ANKRD55: variants seen among roughly 807,000 people sequenced by gnomAD.
ANKRD55 encodes ankyrin repeat domain 55.
ANKRD55 carries 41 observed loss-of-function variants against 60.6 expected under a neutral mutation model. The ratio of observed to expected loss-of-function variants is 0.68; its 90% confidence interval spans 0.53 to 0.88. The LOEUF is 0.88. ANKRD55 is among the 40% of genes least tolerant of loss of function. The pLI, the probability that ANKRD55 is intolerant of heterozygous loss-of-function variation, is 0.00. For synonymous variants in ANKRD55, 264 were observed against 290.3 expected, an observed-to-expected ratio of 0.91 and a Z score of 0.92; for missense variants, 732 against 767.6, an observed-to-expected ratio of 0.95 and a Z score of 0.55.
chr5:56,109,218 C>G (rs997601239), intron 10 of ANKRD55, among the ~76,000 whole-genome samples: 1 of 152,054 alleles, frequency 6.6e-6, no homozygotes, highest in African/African-American at 2.4e-5. Flanking sequence ...GTTTATAAAG[C>G]CTGTCTGACA....
At chr5:56,144,822 A>G (rs1017548989) in intron 6 of ANKRD55, among the ~76,000 whole-genome samples, 11 of 152,306 alleles carry the variant, frequency 7.2e-5, no homozygotes, top group African/African-American at 2.6e-4. Flanking sequence ...TGGTGGCCAA[A>G]AAGAGCCAGC....
At chr5:56,194,717 T>C (rs185594668) in intron 2 of ANKRD55, among the ~76,000 whole-genome samples, 84 of 152,326 alleles carry the variant, frequency 5.5e-4, no homozygotes, top group Non-Finnish European at 7.6e-4. Context: ...TCTGTAAACA[T>C]GTATTTGATA....
At chr5:56,144,059 T>A in intron 6 of ANKRD55, 130 bp from the exon 7 acceptor site, 1 of 1,182,672 alleles carries the variant, frequency 8.5e-7, no homozygotes, top group Admixed American at 2.0e-5. Context: ...GGTTCATTCA[T>A]TCATTCATTA....
intron 10 of ANKRD55, among the ~76,000 whole-genome samples, chr5:56,104,886 G>A (rs1046555309): frequency 6.6e-6 from 1 of 152,096 alleles, no homozygotes; most frequent in Non-Finnish European, 1.5e-5. Flanking sequence ...GAATGGTCCA[G>A]AGAAGTTGAG....
At chr5:56,144,597 A>C (rs575345582) in intron 6 of ANKRD55, among the ~76,000 whole-genome samples, 35 of 152,170 alleles carry the variant, frequency 2.3e-4, no homozygotes, top group African/African-American at 7.9e-4. Flanking sequence ...CTGTCTCTGC[A>C]TAACACATTT....
In ANKRD55 at chr5:56,102,518, G is replaced by C. The variant is rs373849301; in HGVS notation, c.1699C>G (p.Leu567Val). Reference protein sequence around the residue: ...IRDLPFTRNNLAPLPDQKFLS... With the variant: ...IRDLPFTRNNVAPLPDQKFLS... Reference sequence around the variant, plus strand: ...CATTTTTGATCTGGTAGGGGAGCTAGGTTGTTCCGAGTGAAAGGAAGATCC... The same window carrying C: ...CATTTTTGATCTGGTAGGGGAGCTACGTTGTTCCGAGTGAAAGGAAGATCC... Residue 567 changes from leucine to valine, a missense_variant, in exon 11 of 12, where the codon CTA becomes GTA. Transcript: ENST00000341048. 1.5e-5 allele frequency: 25 copies of C among 1,613,508 alleles called. No individual in the cohort carries two copies. The highest frequency in any genetic ancestry group is 5.0e-5 in the Admixed American group (3 of 59,984).
At chr5:56,157,219 C>T (rs1029248618) in intron 6 of ANKRD55, among the ~76,000 whole-genome samples, 5 of 152,172 alleles carry the variant, frequency 3.3e-5, no homozygotes, top group African/African-American at 9.7e-5. Context: ...TAAACAAATG[C>T]TTGAAGGCAG....
chr5:56,157,813 G>C (rs1490406241), intron 6 of ANKRD55, among the ~76,000 whole-genome samples: 1 of 152,104 alleles, frequency 6.6e-6, no homozygotes, highest in African/African-American at 2.4e-5. Flanking sequence ...CTCAGAGACC[G>C]GAGCCGGCGC....
chr5:56,203,752 T>A (rs1233654834), intron 2 of ANKRD55, among the ~76,000 whole-genome samples: 1 of 152,238 alleles, frequency 6.6e-6, no homozygotes, highest in Admixed American at 6.5e-5. Context: ...ACCTTTGGGT[T>A]GGTTCCAAGT....
In ANKRD55 at chr5:56,214,501, T is replaced by C. The variant is rs1759756341; in HGVS notation, c.58+18355A>G. Among the ~76,000 whole-genome samples, 3 of 152,156 alleles carry C rather than the reference T, an allele frequency of 2.0e-5. 1 individual carries two copies. In the South Asian group the frequency reaches 6.2e-4, roughly 32 times the overall value. ...AACCCACACCAACAGTTTCAAACAA[T>C]CTTTTGTAGTATAATCATCTTAACT... On this transcript the variant is annotated intron_variant, in intron 2 of 11. Transcript: ENST00000341048.
chr5:56,212,063 C>CA (rs948075398), intron 2 of ANKRD55, among the ~76,000 whole-genome samples: 2 of 131,600 alleles, frequency 1.5e-5, no homozygotes, highest in Non-Finnish European at 3.1e-5. Context: ...CACACACACA[C>CA]ACACACACAC....
chr5:56,177,809 G>C (rs1389252327), intron 3 of ANKRD55, among the ~76,000 whole-genome samples: 1 of 151,780 alleles, frequency 6.6e-6, no homozygotes, highest in Non-Finnish European at 1.5e-5. Flanking sequence ...AACAAAAACA[G>C]AATCCCTAGA....
chr5:56,202,626 T>C (rs1210642307), intron 2 of ANKRD55, among the ~76,000 whole-genome samples: 1 of 152,206 alleles, frequency 6.6e-6, no homozygotes, highest in Non-Finnish European at 1.5e-5. Context: ...GGAACAAACA[T>C]GCAAAGTGAC....
intron 2 of ANKRD55, among the ~76,000 whole-genome samples, chr5:56,211,219 A>T (rs159572): frequency 1.3e-5 from 2 of 152,090 alleles, no homozygotes; most frequent in South Asian, 4.1e-4. Flanking sequence ...TTCCACAGAA[A>T]AACAGTATCT....
intron 9 of ANKRD55, chr5:56,114,423 T>C (rs1221169830): frequency 6.6e-6 from 1 of 152,428 alleles, no homozygotes; most frequent in Non-Finnish European, 1.5e-5. Context: ...ATGACAAAAG[T>C]CTAGCTTTCA....
At position 56,157,365 on chromosome 5, in the gene ANKRD55, T is replaced by C. The variant is rs187701891; in HGVS notation, c.483+2468A>G. On this transcript the variant is annotated intron_variant, in intron 6 of 11. Coordinates refer to ENST00000341048, the MANE Select transcript of ANKRD55 (RefSeq NM_024669.3). The stretch of plus-strand genomic sequence containing the variant: ...TTTCTCCCCATGTGATAGTCTGAAA[T>C]ATGGCCTCATGGCAAGAGAAAGACC... 5.3e-4 allele frequency among the ~76,000 whole-genome samples: 80 copies of C among 152,294 alleles called. No individual in the cohort carries two copies. In the East Asian group the frequency reaches 0.014, roughly 27 times the overall value.
chr5:56,200,651 T>G (rs1445904523), intron 2 of ANKRD55, among the ~76,000 whole-genome samples: 1 of 152,170 alleles, frequency 6.6e-6, no homozygotes, highest in Non-Finnish European at 1.5e-5. Flanking sequence ...ACTGCATCGG[T>G]TACTGGGCCC....
rs899269688 is a variant in ANKRD55 at position 56,187,623 on chromosome 5, C to T, written c.59-3989G>A. Among the ~76,000 whole-genome samples, 3 of 152,370 alleles carry T rather than the reference C, an allele frequency of 2.0e-5. No individual in the cohort carries two copies. The South Asian group carries it at 6.2e-4, about 32-fold the overall frequency. ...GATCCAGCAGGGTGACCGCTGTGCT[C>T]CTGATCCAGCGAGGCACCCATTGCT... On this transcript the variant is annotated intron_variant, in intron 2 of 11. Transcript: ENST00000341048.
intron 2 of ANKRD55, among the ~76,000 whole-genome samples, chr5:56,210,101 G>T (rs541718720): frequency 6.6e-6 from 1 of 151,990 alleles, no homozygotes; most frequent in Admixed American, 6.6e-5. Context: ...TCCGCCTCCC[G>T]ATTTCAAGCT....
Sources: gnomAD v4.1 joint callset for allele counts (sites outside exome capture counted in the v4.1 genomes callset) on GRCh38, gnomAD v4.1.1 for gene constraint, MANE v1.5 for transcripts, NCBI Gene and HGNC (gene_info 2026-07-23, HGNC 2026-07-21) for gene names.